LIN28B: variants seen among roughly 807,000 people sequenced by gnomAD.
The protein encoded by LIN28B is protein lin-28 homolog B.
In LIN28B, 5 loss-of-function variants were observed where a neutral mutation model predicts 21.9. That is an observed-to-expected ratio of 0.23 (90% confidence interval 0.12 to 0.48). The LOEUF is 0.48. Ranked by LOEUF, LIN28B falls within the 20% of genes least tolerant of loss-of-function variation. The pLI is 0.98. For missense variants in LIN28B, 245 were observed against 310.5 expected (o/e 0.79, Z 1.58); for synonymous variants, 109 against 111.3 (o/e 0.98, Z 0.13).
In LIN28B at chr6:105,058,774, T is replaced by G. The variant is rs75754047; in HGVS notation, c.384-19640T>G. Among the ~76,000 whole-genome samples, 1,080 of 152,342 alleles carry G rather than the reference T, an allele frequency of 7.1e-3. 13 individuals carry two copies. Among genetic ancestry groups the G allele is most frequent in the South Asian group, 0.013 (63 of 4,828 alleles). On this transcript the variant is annotated intron_variant, in intron 3 of 3. Transcript: ENST00000345080. ...GTAATTATGTTATATATAATGTCAT[T>G]TTAATGTATGGTTGTTGCTTTTTAA...
Position 105,079,807 on chromosome 6 carries a change from C to A in LIN28B, c.*1024C>A, listed in dbSNP as rs1368693375. The stretch of plus-strand genomic sequence containing the variant: ...TATATTTTTGGTGGTGGTTTTTATT[C>A]CTCCTGGAGAGTTATCTAATTTGTT... On this transcript the variant is annotated 3_prime_UTR_variant, in exon 4 of 4. Transcript: ENST00000345080. 1 of 152,016 alleles carries A rather than the reference C, an allele frequency of 6.6e-6. No individual in the cohort carries two copies. Among genetic ancestry groups the A allele is most frequent in the African/African-American group, 2.4e-5 (1 of 41,376 alleles). 9.4% of individuals were successfully genotyped at this position (152,016 alleles called of 1,614,324 possible).
At chr6:104,958,008 C>G (rs573209822) in intron 1 of LIN28B, 91 bp from the exon 2 acceptor site, 81 of 963,568 alleles carry the variant, frequency 8.4e-5, no homozygotes, top group Middle Eastern at 3.7e-4. Flanking sequence ...CCCTTCCCCC[C>G]CAACCCCAGG....
At chr6:104,957,283 T>G (rs779569503) in intron 1 of LIN28B, 23 bp downstream of exon 1, 1 of 1,552,544 alleles carries the variant, frequency 6.4e-7, no homozygotes, top group South Asian at 1.1e-5. Flanking sequence ...TTCTATTGTT[T>G]TACTGTGAAT....
intron 2 of LIN28B, among the ~76,000 whole-genome samples, chr6:104,992,856 T>C (rs913330457): frequency 6.6e-6 from 1 of 152,072 alleles, no homozygotes; most frequent in African/African-American, 2.4e-5. Context: ...AGCTTTATAC[T>C]TTTACTTTTC....
At chr6:105,029,271 A>G (rs753635017) in intron 3 of LIN28B, among the ~76,000 whole-genome samples, 6 of 152,222 alleles carry the variant, frequency 3.9e-5, no homozygotes, top group Non-Finnish European at 7.3e-5. Context: ...AAATTATAGC[A>G]TGTTTATATG....
At chr6:104,991,209 A>G (rs1443026473) in intron 2 of LIN28B, among the ~76,000 whole-genome samples, 6 of 146,918 alleles carry the variant, frequency 4.1e-5, no homozygotes, top group Non-Finnish European at 6.0e-5. Flanking sequence ...TCCCTCCCAG[A>G]CGGGGTGGCT....
At chr6:105,061,385 AT>A (rs1363467987) in intron 3 of LIN28B, among the ~76,000 whole-genome samples, 9 of 152,266 alleles carry the variant, frequency 5.9e-5, no homozygotes, top group African/African-American at 2.2e-4. Flanking sequence ...ATAGAAATTA[AT>A]TATAGAGCAT....
At chr6:104,985,191 A>G (rs1770310014) in intron 2 of LIN28B, among the ~76,000 whole-genome samples, 1 of 152,218 alleles carries the variant, frequency 6.6e-6, no homozygotes, top group African/African-American at 2.4e-5. Flanking sequence ...TGGACTAACA[A>G]ATGAGAGATT....
chr6:105,069,688 CAAA>C (rs745592711), intron 3 of LIN28B, among the ~76,000 whole-genome samples: 8 of 125,812 alleles, frequency 6.4e-5, no homozygotes, highest in African/African-American at 1.2e-4. Context: ...GACCCTGTCT[CAAA>C]AAAAAAAAAA....
At chr6:104,967,823 C>G (rs314269) in intron 2 of LIN28B, among the ~76,000 whole-genome samples, 1 of 151,674 alleles carries the variant, frequency 6.6e-6, no homozygotes. Context: ...GGACTACAGG[C>G]GTGCACCACC....
intron 3 of LIN28B, among the ~76,000 whole-genome samples, chr6:105,067,419 ACTCCT>A (rs1243626876): frequency 6.6e-6 from 1 of 151,942 alleles, no homozygotes; most frequent in Non-Finnish European, 1.5e-5. Flanking sequence ...TGAACTGGAC[ACTCCT>A]TCTTAGTTGT....
intron 2 of LIN28B, among the ~76,000 whole-genome samples, chr6:104,977,641 C>T (rs1253441538): frequency 6.6e-6 from 1 of 152,028 alleles, no homozygotes; most frequent in Non-Finnish European, 1.5e-5. Context: ...GATCTTGGAT[C>T]ACTGCAACCT....
chr6:104,952,229 ATT>A (rs1302260559), upstream of LIN28B, among the ~76,000 whole-genome samples: 2 of 152,176 alleles, frequency 1.3e-5, no homozygotes, highest in African/African-American at 4.8e-5. Context: ...GACTCATGGT[ATT>A]TATTGCAAAA....
chr6:104,963,022 C>T (rs762766650), intron 2 of LIN28B, among the ~76,000 whole-genome samples: 28 of 152,108 alleles, frequency 1.8e-4, no homozygotes, highest in Non-Finnish European at 2.6e-4. Flanking sequence ...GCCGTTTAAT[C>T]ATAACATCAC....
chr6:105,011,711 A>G (rs1265519080), intron 2 of LIN28B, among the ~76,000 whole-genome samples: 2 of 151,746 alleles, frequency 1.3e-5, no homozygotes, highest in Admixed American at 1.3e-4. Context: ...TTAGCCGGGC[A>G]TGGTGGCATG....
chr6:104,968,667 T>C (rs1258406167), intron 2 of LIN28B, among the ~76,000 whole-genome samples: 2 of 152,208 alleles, frequency 1.3e-5, no homozygotes, highest in East Asian at 3.8e-4. Flanking sequence ...ACTTTTACTT[T>C]GGCCAAGATT....
chr6:104,963,904 A>C (rs916535385), intron 2 of LIN28B, among the ~76,000 whole-genome samples: 1 of 152,202 alleles, frequency 6.6e-6, no homozygotes, highest in Admixed American at 6.5e-5. Flanking sequence ...AACCACTTAC[A>C]AGTATTCAGT....
At chr6:105,012,663 C>A (rs1360126060) in intron 2 of LIN28B, among the ~76,000 whole-genome samples, 1 of 152,100 alleles carries the variant, frequency 6.6e-6, no homozygotes. Flanking sequence ...TGATTCATTC[C>A]TTTTCATTGC....
intron 1 of LIN28B, 58 bp from the exon 2 acceptor site, chr6:104,958,041 C>A (rs943061927): frequency 2.8e-5 from 31 of 1,108,536 alleles, no homozygotes; most frequent in African/African-American, 6.7e-5. Flanking sequence ...TTTTTTTAAT[C>A]TTTGAATGCA....
Sources: allele counts gnomAD v4.1 joint callset (sites outside exome capture counted in the v4.1 genomes callset), GRCh38; gene constraint gnomAD v4.1.1; transcripts MANE v1.5; gene names NCBI Gene and HGNC (gene_info 2026-07-23, HGNC 2026-07-21).